PRDM2: variants seen among roughly 807,000 people sequenced by gnomAD.
PRDM2 encodes the protein PR/SET domain 2.
Under a neutral mutation model 130.0 loss-of-function variants are expected in PRDM2, and 30 were observed. That is an observed-to-expected ratio of 0.23 (90% CI 0.17 to 0.31). The LOEUF is 0.31. PRDM2 is among the 10% of genes least tolerant of loss of function. The pLI is 1.00. For missense variants in PRDM2, 2,011 were observed against 2,108.4 expected (o/e 0.95, Z 0.90); for synonymous variants, 871 against 782.4 (o/e 1.11, Z -1.89).
At chr1:13,721,495 G>A (rs1642728377) in intron 2 of PRDM2, among the ~76,000 whole-genome samples, 1 of 151,788 alleles carries the variant, frequency 6.6e-6, no homozygotes, top group Admixed American at 6.6e-5. Flanking sequence ...TATCTGTTTT[G>A]ACTTAAACCT....
chr1:13,751,242 G>A (rs1307715339), intron 6 of PRDM2, among the ~76,000 whole-genome samples: 3 of 152,036 alleles, frequency 2.0e-5, no homozygotes, highest in Non-Finnish European at 2.9e-5. Context: ...TTGGTGTTTC[G>A]TATTAAATAG....
chr1:13,722,159 C>T (rs935959411), intron 2 of PRDM2, among the ~76,000 whole-genome samples: 3 of 152,174 alleles, frequency 2.0e-5, no homozygotes, highest in Non-Finnish European at 2.9e-5. Flanking sequence ...TTGATTTCCT[C>T]GCCAACGTTT....
chr1:13,766,020 A>G (rs548635854), intron 6 of PRDM2, among the ~76,000 whole-genome samples: 1 of 152,322 alleles, frequency 6.6e-6, no homozygotes, highest in African/African-American at 2.4e-5. Context: ...TTTGACTTTG[A>G]AAAATTTGAA....
chr1:13,702,422 G>T (rs536118874), intron 1 of PRDM2, among the ~76,000 whole-genome samples: 2 of 152,102 alleles, frequency 1.3e-5, no homozygotes, highest in South Asian at 2.1e-4. Flanking sequence ...TTTTAAAATC[G>T]TGGGTTTTAA....
chr1:13,750,420 G>C (rs1422743129), intron 6 of PRDM2, among the ~76,000 whole-genome samples: 1 of 151,334 alleles, frequency 6.6e-6, no homozygotes, highest in African/African-American at 2.4e-5. Context: ...CTCTCCTTAG[G>C]TCTTAAGTAG....
chr1:13,824,652 C>T lies in PRDM2; in HGVS notation c.*1517C>T, dbSNP rs368441314. 3 of 152,166 alleles carry T rather than the reference C, an allele frequency of 2.0e-5. No individual in the cohort carries two copies. The highest frequency in any genetic ancestry group is 3.9e-4 in the East Asian group (2 of 5,188). The allele number at this position is 152,166 out of a possible 1,614,324, so 9.4% of individuals were successfully genotyped here. On this transcript the variant is annotated 3_prime_UTR_variant, in exon 10 of 10. Coordinates refer to ENST00000311066, the MANE Select transcript of PRDM2 (RefSeq NM_001393986.1). ...TTTCATAAACTGGAATCCTTTCACC[C>T]GCTCCTACAGCTAACCCTCACAAGC...
In PRDM2 at chr1:13,815,411, C is replaced by A. The variant is rs569254495; in HGVS notation, c.5037-1016C>A. The stretch of plus-strand genomic sequence containing the variant: ...ACAGGCATGAGCCACCGCACCTGGC[C>A]GGATGTTTATTTTTATTGTGCCAAG... On this transcript the variant is annotated intron_variant, in intron 8 of 9. Transcript: ENST00000311066. Among the ~76,000 whole-genome samples the A allele has an allele frequency of 1.5e-3, 235 of 152,274 alleles. 3 individuals are homozygous for A. The highest frequency in any genetic ancestry group is 3.0e-3 in the Non-Finnish European group (203 of 68,034).
chr1:13,786,666 C>T, intron 8 of PRDM2: 2 of 1,526,464 alleles, frequency 1.3e-6, no homozygotes, highest in South Asian at 1.2e-5. Context: ...TCCTAACATT[C>T]AGCTGATTGC....
chr1:13,730,144 G>A lies in PRDM2; in HGVS notation c.10-856G>A, dbSNP rs569294370. 1.4e-4 allele frequency among the ~76,000 whole-genome samples: 21 copies of A among 152,206 alleles called. No homozygotes were observed. The East Asian group carries it at 3.1e-3, about 22-fold the overall frequency. ...AAAGCCTATCATTCTTAGCAGTGCC[G>A]TGATGTGCACATCAGCTCCGTAGGA... On this transcript the variant is annotated intron_variant, in intron 2 of 9. Transcript: ENST00000311066.
chr1:13,761,927 G>A lies in PRDM2; in HGVS notation c.512-11151G>A, dbSNP rs12091665. ...CATTTTTATAATAATATCTGGGTGG[G>A]ATCCTGTGAATCAGCGGAGAACAAA... On this transcript the variant is annotated intron_variant, in intron 6 of 9. Transcript: ENST00000311066. 6.3e-3 allele frequency among the ~76,000 whole-genome samples: 954 copies of A among 152,254 alleles called. 8 individuals are homozygous for A. Among genetic ancestry groups the A allele is most frequent in the African/African-American group, 0.022 (904 of 41,550 alleles).
chr1:13,796,752 C>G (rs1644929348), intron 8 of PRDM2, among the ~76,000 whole-genome samples: 1 of 152,130 alleles, frequency 6.6e-6, no homozygotes, highest in Non-Finnish European at 1.5e-5. Flanking sequence ...ACCCTGTCTC[C>G]AAGAAAGCCA....
At chr1:13,707,655 G>C (rs1481221622) in intron 1 of PRDM2, among the ~76,000 whole-genome samples, 1 of 152,164 alleles carries the variant, frequency 6.6e-6, no homozygotes, top group Non-Finnish European at 1.5e-5. Flanking sequence ...TCTCATCAGA[G>C]AGCAAGCACT....
At chr1:13,804,863 G>T (rs1285684606) in intron 8 of PRDM2, among the ~76,000 whole-genome samples, 1 of 152,146 alleles carries the variant, frequency 6.6e-6, no homozygotes, top group African/African-American at 2.4e-5. Flanking sequence ...AGTCTTGAGT[G>T]GTCAATGCAG....
At chr1:13,718,590 T>C (rs892554536) in intron 2 of PRDM2, among the ~76,000 whole-genome samples, 7 of 152,154 alleles carry the variant, frequency 4.6e-5, no homozygotes, top group Non-Finnish European at 7.3e-5. Flanking sequence ...TTGCTTTCTT[T>C]CTCTTCCCTT....
In PRDM2 at chr1:13,824,497, T is replaced by C. The variant is rs2697962; in HGVS notation, c.*1362T>C. 0.84 allele frequency: 127,356 copies of C among 152,148 alleles called. 53,375 individuals carry two copies. Among genetic ancestry groups the C allele is most frequent in the Middle Eastern group, 0.87 (256 of 294 alleles). 9.4% of individuals were successfully genotyped at this position (152,148 alleles called of 1,614,324 possible). On this transcript the variant is annotated 3_prime_UTR_variant, in exon 10 of 10. Transcript: ENST00000311066. ...ATGAGTCAGTCAATCGGCTGCAGTA[T>C]GGGATCTGATAAGGATCTAGGAGAA...
Position 13,786,580 on chromosome 1 carries a change from C to T in PRDM2, c.5036+3749C>T, listed in dbSNP as rs1570040720. On this transcript the variant is annotated intron_variant, in intron 8 of 9. Transcript: ENST00000311066. ...AATTGACTAAAAAGTATTGCATGCT[C>T]AACTTAGGATAAGCACTACGGCAAA... The T allele has an allele frequency of 1.9e-6, 3 of 1,602,830 alleles. No homozygotes were observed. In the African/African-American group the frequency reaches 4.0e-5, roughly 21 times the overall value.
At chr1:13,741,720 T>TG in intron 4 of PRDM2, among the ~76,000 whole-genome samples, 1 of 112,596 alleles carries the variant, frequency 8.9e-6, no homozygotes, top group South Asian at 3.0e-4. Flanking sequence ...CTCTTTAAGT[T>TG]TGTGTGTGTG....
At chr1:13,739,058 T>G (rs900989702) in intron 4 of PRDM2, 8 of 152,022 alleles carry the variant, frequency 5.3e-5, no homozygotes, top group Non-Finnish European at 7.4e-5. Flanking sequence ...ATTCCTTTTT[T>G]TTTTCTGAGA....
chr1:13,763,061 A>C (rs139687877), intron 6 of PRDM2, among the ~76,000 whole-genome samples: 1 of 152,224 alleles, frequency 6.6e-6, no homozygotes, highest in Non-Finnish European at 1.5e-5. Flanking sequence ...ACCTCTGCTA[A>C]AATGTGGCAT....
Sources: allele counts gnomAD v4.1 joint callset (sites outside exome capture counted in the v4.1 genomes callset), GRCh38; gene constraint gnomAD v4.1.1; transcripts MANE v1.5; gene names NCBI Gene and HGNC (gene_info 2026-07-23, HGNC 2026-07-21).